Variants in ABLIM1 observed in about 807,000 individuals in gnomAD.
The protein encoded by ABLIM1 is actin-binding LIM protein 1.
A neutral mutation model predicts 107.0 loss-of-function variants in ABLIM1; 40 were observed. The ratio of observed to expected loss-of-function variants is 0.37; its 90% confidence interval spans 0.29 to 0.49. ABLIM1 has a LOEUF of 0.49. Ranked by LOEUF, ABLIM1 falls within the 20% of genes least tolerant of loss-of-function variation. The pLI, the probability that ABLIM1 is intolerant of heterozygous loss-of-function variation, is 0.97. For missense variants in ABLIM1, 857 were observed against 1,008.5 expected (o/e 0.85, Z 2.04); for synonymous variants, 357 against 357.3 (o/e 1.00, Z 0.01).
chr10:114,492,008 A>T (rs1241266535), intron 6 of ABLIM1, 130 bp from the exon 7 acceptor site: 9 of 695,744 alleles, frequency 1.3e-5, no homozygotes, highest in Non-Finnish European at 1.8e-5. Context: ...AATTGACCAA[A>T]CTTCCTACAC....
intron 4 of ABLIM1, among the ~76,000 whole-genome samples, chr10:114,561,180 C>A (rs1172681600): frequency 5.3e-5 from 8 of 152,172 alleles, no homozygotes; most frequent in African/African-American, 1.9e-4. Flanking sequence ...ACCTAGCATA[C>A]CCGGGCTCTG....
At chr10:114,760,792 T>G (rs1394383536) in intron 1 of ABLIM1, among the ~76,000 whole-genome samples, 1 of 152,214 alleles carries the variant, frequency 6.6e-6, no homozygotes, top group Non-Finnish European at 1.5e-5. Flanking sequence ...CTCCCACATG[T>G]GAGATATTGA....
chr10:114,472,374 G>A (rs2066756544), intron 10 of ABLIM1, among the ~76,000 whole-genome samples: 1 of 152,020 alleles, frequency 6.6e-6, no homozygotes, highest in South Asian at 2.1e-4. Flanking sequence ...TTACAGGTAT[G>A]AGCACTGTAC....
intron 1 of ABLIM1, among the ~76,000 whole-genome samples, chr10:114,665,387 A>G (rs950766360): frequency 6.6e-6 from 1 of 152,196 alleles, no homozygotes; most frequent in Admixed American, 6.5e-5. Context: ...AAGACAAACT[A>G]AGGGAATAAA....
At chr10:114,638,921 C>T (rs1448419489) in intron 1 of ABLIM1, among the ~76,000 whole-genome samples, 1 of 152,196 alleles carries the variant, frequency 6.6e-6, no homozygotes, top group South Asian at 2.1e-4. Context: ...CATAGCAAGA[C>T]TTCAAAAGTG....
intron 1 of ABLIM1, among the ~76,000 whole-genome samples, chr10:114,714,344 A>G (rs891457403): frequency 5.3e-5 from 8 of 152,236 alleles, no homozygotes; most frequent in African/African-American, 1.4e-4. Flanking sequence ...GCACAGGTCT[A>G]TGGACATGGA....
At chr10:114,727,450 T>C (rs1476039843) in intron 1 of ABLIM1, among the ~76,000 whole-genome samples, 4 of 152,184 alleles carry the variant, frequency 2.6e-5, no homozygotes. Context: ...GGATTGCCCA[T>C]GTCATAGAAA....
At chr10:114,484,722 G>A (rs2057920341) in intron 8 of ABLIM1, among the ~76,000 whole-genome samples, 1 of 152,072 alleles carries the variant, frequency 6.6e-6, no homozygotes, top group Non-Finnish European at 1.5e-5. Context: ...CCCTACCCAA[G>A]CACTGCCTTT....
intron 1 of ABLIM1, among the ~76,000 whole-genome samples, chr10:114,677,120 G>A (rs770130345): frequency 6.6e-6 from 1 of 152,068 alleles, no homozygotes; most frequent in Non-Finnish European, 1.5e-5. Context: ...GGAACCCCTG[G>A]CATGCTATGG....
intron 1 of ABLIM1, among the ~76,000 whole-genome samples, chr10:114,643,473 T>C (rs1056643597): frequency 3.3e-5 from 5 of 152,218 alleles, no homozygotes; most frequent in African/African-American, 1.2e-4. Context: ...TTCCTGTTTC[T>C]TGGACTTGGT....
In ABLIM1 at chr10:114,728,560, C is replaced by T. The variant is rs1390088192; in HGVS notation, c.-213+39501G>A. 9.7e-5 allele frequency among the ~76,000 whole-genome samples: 10 copies of T among 102,852 alleles called. No homozygotes were observed. The East Asian group carries it at 2.4e-3, about 25-fold the overall frequency. The allele number at this position is 102,852 out of a possible 152,430, so 67.5% of individuals were successfully genotyped here. A position where few individuals can be genotyped will look rare whatever the true frequency, so the allele number is the denominator to read the frequency against. ...AGTGAGCTATAGCAACATGTACCAA[C>T]ATGAATTAATCTGAAAGACAAAATG... is the stretch of plus-strand genomic sequence containing the variant. On this transcript the variant is annotated intron_variant, in intron 1 of 15. Transcript: ENST00000651092.
chr10:114,539,280 C>G (rs1479899589), intron 6 of ABLIM1, among the ~76,000 whole-genome samples: 3 of 152,130 alleles, frequency 2.0e-5, no homozygotes, highest in African/African-American at 7.2e-5. Context: ...ATCACTTGAA[C>G]CCAGGAGGTG....
chr10:114,667,436 T>C lies in ABLIM1; in HGVS notation c.64+16854A>G, dbSNP rs191388882. On this transcript the variant is annotated intron_variant, in intron 1 of 23. Coordinates refer to the ABLIM1 transcript ENST00000369256. Reference sequence around the variant, plus strand: ...ATTTTGTTTATTCCTACACATACAGTCTTTTCTCTTTAACCACTAGTAGGA... The same window carrying C: ...ATTTTGTTTATTCCTACACATACAGCCTTTTCTCTTTAACCACTAGTAGGA... 3.3e-5 allele frequency among the ~76,000 whole-genome samples: 5 copies of C among 152,334 alleles called. No individual in the cohort carries two copies. In the East Asian group the frequency reaches 9.6e-4, roughly 29 times the overall value.
intron 18 of ABLIM1, 46 bp downstream of exon 18, chr10:114,441,676 G>T: frequency 6.5e-7 from 1 of 1,549,770 alleles, no homozygotes; most frequent in Non-Finnish European, 8.9e-7. Flanking sequence ...AACCAGGGCC[G>T]AGGTGGGAGT....
chr10:114,663,886 G>T (rs899409899), intron 1 of ABLIM1, among the ~76,000 whole-genome samples: 1 of 152,158 alleles, frequency 6.6e-6, no homozygotes, highest in African/African-American at 2.4e-5. Flanking sequence ...GTGCCTGCCT[G>T]CTCCAGGTTC....
chr10:114,540,634 C>T (rs572895649), intron 6 of ABLIM1, among the ~76,000 whole-genome samples: 48 of 152,164 alleles, frequency 3.2e-4, no homozygotes, highest in Admixed American at 1.3e-3. Flanking sequence ...GAATGAGTGA[C>T]ACAGCCAGAC....
intron 8 of ABLIM1, among the ~76,000 whole-genome samples, chr10:114,480,197 T>G (rs576547217): frequency 6.6e-6 from 1 of 152,310 alleles, no homozygotes; most frequent in South Asian, 2.1e-4. Context: ...AAATTACCAT[T>G]TCCACCCATT....
At chr10:114,534,701 G>C (rs1455690729) in intron 6 of ABLIM1, among the ~76,000 whole-genome samples, 2 of 152,158 alleles carry the variant, frequency 1.3e-5, no homozygotes, top group East Asian at 3.8e-4. Flanking sequence ...TCCTGGAAGA[G>C]TCTCACTTGA....
chr10:114,723,203 G>A (rs1224755496), intron 1 of ABLIM1, among the ~76,000 whole-genome samples: 6 of 152,174 alleles, frequency 3.9e-5, no homozygotes, highest in Non-Finnish European at 5.9e-5. Context: ...CAGAACCAAA[G>A]CACAGGAGTA....
Sources: gnomAD v4.1 joint callset for allele counts (sites outside exome capture counted in the v4.1 genomes callset) on GRCh38, gnomAD v4.1.1 for gene constraint, MANE v1.5 for transcripts, NCBI Gene and HGNC (gene_info 2026-07-23, HGNC 2026-07-21) for gene names.